GALNT9: variants seen among roughly 807,000 people sequenced by gnomAD.
The protein encoded by GALNT9 is polypeptide N-acetylgalactosaminyltransferase 9, also known as GalNAc transferase 9.
A neutral mutation model predicts 63.1 loss-of-function variants in GALNT9; 47 were observed. The observed-to-expected ratio is 0.75, with a 90% CI of 0.59 to 0.95. The LOEUF (loss-of-function observed/expected upper bound fraction) is 0.95. Ranked by LOEUF, GALNT9 falls within the 40% of genes least tolerant of loss-of-function variation. The probability of loss-of-function intolerance (pLI) is 0.00; values close to 1 mark genes in which losing one functional copy is unlikely to be tolerated. For missense variants in GALNT9, 829 were observed against 874.8 expected (o/e 0.95, Z 0.66); for synonymous variants, 396 against 365.7 (o/e 1.08, Z -0.94).
Position 132,252,143 on chromosome 12 carries a change from C to A in GALNT9, c.960-4116G>T, listed in dbSNP as rs1878938839. 6.6e-6 allele frequency among the ~76,000 whole-genome samples: 1 copy of A among 152,218 alleles called. No homozygotes were observed. The highest frequency in any genetic ancestry group is 2.4e-5 in the African/African-American group (1 of 41,460). On this transcript the variant is annotated intron_variant, in intron 5 of 10. Transcript: ENST00000328957. The surrounding 1 kb of genome is among the most constrained non-coding windows in gnomAD (Gnocchi z 5.2). Reference sequence around the variant, plus strand: ...GTGGAGGCCAACAGGGCAGCCACCTCCACAGGCCCAGGCAGTGAGGCCACA... The same window carrying A: ...GTGGAGGCCAACAGGGCAGCCACCTACACAGGCCCAGGCAGTGAGGCCACA...
In GALNT9 at chr12:132,290,022, A is replaced by T. The variant is rs574121813; in HGVS notation, c.239-3592T>A. Among the ~76,000 whole-genome samples, 6 of 152,304 alleles carry T rather than the reference A, an allele frequency of 3.9e-5. No individual in the cohort carries two copies. In the South Asian group the frequency reaches 1.2e-3, roughly 32 times the overall value. On this transcript the variant is annotated intron_variant, in intron 1 of 10. Transcript: ENST00000328957. ...GTGGAGTCAGTGCTGTCACCGTCCC[A>T]TAGCTGCTGAGAGAAGCTGCTCGGG...
In GALNT9 at chr12:132,261,070, G is replaced by C. The variant is rs1044927284; in HGVS notation, c.639C>G (p.Leu213=). Residue 213 remains leucine (L), a synonymous_variant, in exon 4 of 11, where the codon CTC becomes CTG. Transcript: ENST00000328957. ...GCCGGCTGTTGCGGACAATCTTCAC[G>C]AGGCCTGGGTACCGCTTGTTGACGT... The part of the protein sequence containing the change: ...DQYVNKRYPG[L]VKIVRNSRRE... 23 of 1,551,568 alleles carry C rather than the reference G, an allele frequency of 1.5e-5. No individual in the cohort carries two copies. The highest frequency in any genetic ancestry group is 2.0e-5 in the Non-Finnish European group (23 of 1,146,982).
chr12:132,215,091 T>G lies in GALNT9; in HGVS notation c.1078-11401A>C, dbSNP rs11247006. On this transcript the variant is annotated intron_variant, in intron 6 of 10. Transcript: ENST00000328957. ...GCTGTCCTGCCCGTTTAAGGGCGTT[T>G]GGGAGGAAACGCGACACAATCGCTG... Among the ~76,000 whole-genome samples, 668 of 152,326 alleles carry G rather than the reference T, an allele frequency of 4.4e-3. 18 individuals carry two copies. In the East Asian group the frequency reaches 0.065, roughly 15 times the overall value.
intron 6 of GALNT9, among the ~76,000 whole-genome samples, chr12:132,218,062 A>G (rs1279751680): frequency 6.6e-6 from 1 of 150,440 alleles, no homozygotes; most frequent in Non-Finnish European, 1.5e-5. Flanking sequence ...CCACTCATCT[A>G]CCCATCCATC....
At chr12:132,302,514 A>T (rs1297529360) in intron 1 of GALNT9, among the ~76,000 whole-genome samples, 1 of 152,184 alleles carries the variant, frequency 6.6e-6, no homozygotes, top group East Asian at 1.9e-4. Flanking sequence ...TTATTCACCC[A>T]TCCATTATCA....
At chr12:132,318,646 C>A (rs781980412) in intron 1 of GALNT9, among the ~76,000 whole-genome samples, 13 of 152,254 alleles carry the variant, frequency 8.5e-5, no homozygotes, top group Non-Finnish European at 1.6e-4. Flanking sequence ...GGATGTGCAC[C>A]CCGACTGACC....
At chr12:132,210,434 A>C (rs114984782) in intron 6 of GALNT9, among the ~76,000 whole-genome samples, 4,920 of 152,266 alleles carry the variant, frequency 0.032, 252 homozygotes, top group African/African-American at 0.11. Flanking sequence ...TGAAACTGTC[A>C]TCTAGAGGGG....
At chr12:132,232,003 G>T (rs1342353733) in intron 6 of GALNT9, among the ~76,000 whole-genome samples, 3 of 6,706 alleles carry the variant, frequency 4.5e-4, no homozygotes, top group Non-Finnish European at 7.6e-4. Flanking sequence ...GGCGACAGAG[G>T]AGACAGTGTG....
chr12:132,223,177 C>T (rs1194832379), intron 6 of GALNT9, among the ~76,000 whole-genome samples: 1 of 120,108 alleles, frequency 8.3e-6, no homozygotes, highest in Non-Finnish European at 1.8e-5. Flanking sequence ...CAACCCACAC[C>T]GCACACAACC....
intron 4 of GALNT9, among the ~76,000 whole-genome samples, chr12:132,260,663 G>C (rs1487416922): frequency 6.6e-6 from 1 of 152,254 alleles, no homozygotes; most frequent in African/African-American, 2.4e-5. Context: ...CACAGACCAA[G>C]CCTCATACAC....
chr12:132,198,085 A>G, intron 9 of GALNT9, 126 bp from the exon 10 acceptor site: 1 of 745,128 alleles, frequency 1.3e-6, no homozygotes, highest in Admixed American at 2.8e-5. Context: ...GGAGCCTCCC[A>G]CCCCGGGGAC....
In GALNT9 at chr12:132,310,722, C is replaced by T. The variant is rs1881781394; in HGVS notation, c.238+18244G>A. Among the ~76,000 whole-genome samples, 1 of 152,142 alleles carries T rather than the reference C, an allele frequency of 6.6e-6. No individual in the cohort carries two copies. Among genetic ancestry groups the T allele is most frequent in the African/African-American group, 2.4e-5 (1 of 41,398 alleles). On this transcript the variant is annotated intron_variant, in intron 1 of 10. Coordinates refer to ENST00000328957, the MANE Select transcript of GALNT9 (RefSeq NM_001122636.2). The surrounding 1 kb of genome is among the most constrained non-coding windows in gnomAD (Gnocchi z 4.8). Reference sequence around the variant, plus strand: ...GGAAACAGCACAAATTGAGAGGCGGCCGGGCACAAGATAATCGGGGAGGAA... The same window carrying T: ...GGAAACAGCACAAATTGAGAGGCGGTCGGGCACAAGATAATCGGGGAGGAA...
rs1409701257 is a variant in GALNT9 at position 132,319,225 on chromosome 12, G to T, written c.238+9741C>A. 6.6e-6 allele frequency among the ~76,000 whole-genome samples: 1 copy of T among 152,176 alleles called. No homozygotes were observed. Among genetic ancestry groups the T allele is most frequent in the African/African-American group, 2.4e-5 (1 of 41,436 alleles). The stretch of plus-strand genomic sequence containing the variant: ...TTCCAGGTGCGTCTGTGCGAGATTT[G>T]AGTCTGAATCAGGGGGCTGAGGAAG... On this transcript the variant is annotated intron_variant, in intron 1 of 10. Transcript: ENST00000328957. This position sits in a 1 kb window ranked among gnomAD's most constrained non-coding sequence, Gnocchi z 5.2.
At position 132,259,435 on chromosome 12, in the gene GALNT9, G is replaced by A. The variant is rs782095761; in HGVS notation, c.761+1513C>T. On this transcript the variant is annotated intron_variant, in intron 4 of 10. Transcript: ENST00000328957. ...GTGGAACACAATTCATGCACAACAC[G>A]TCAGAAGCTGATAAACATCGAGGGA... Among the ~76,000 whole-genome samples, 10 of 152,206 alleles carry A rather than the reference G, an allele frequency of 6.6e-5. No homozygotes were observed. In the South Asian group the frequency reaches 1.2e-3, roughly 19 times the overall value.
At chr12:132,322,728 C>A (rs1868858971) in intron 1 of GALNT9, among the ~76,000 whole-genome samples, 1 of 152,332 alleles carries the variant, frequency 6.6e-6, no homozygotes, top group East Asian at 1.9e-4. Context: ...CCTGGGAGGG[C>A]CTGGTGAGCC....
Position 132,303,224 on chromosome 12 carries a change from G to A in GALNT9, c.239-16794C>T, listed in dbSNP as rs117533127. Among the ~76,000 whole-genome samples the A allele has an allele frequency of 3.4e-4, 51 of 152,060 alleles. No individual in the cohort carries two copies. In the East Asian group the frequency reaches 8.1e-3, roughly 24 times the overall value. The stretch of plus-strand genomic sequence containing the variant: ...AGTGACTGCCCAAGGCTGGGCAGGC[G>A]CCCTGAGTGGATTCGTCACCAGGAG... On this transcript the variant is annotated intron_variant, in intron 1 of 10. Coordinates refer to ENST00000328957, the MANE Select transcript of GALNT9 (RefSeq NM_001122636.2).
In GALNT9 at chr12:132,246,007, C is replaced by T. The variant is rs553496528; in HGVS notation, c.1077+1903G>A. Reference sequence around the variant, plus strand: ...CCCCAGGCTGTCCTCCTCGTCTCTGCGGTGCGTTCCATCCCTCTGAGGGCC... The same window carrying T: ...CCCCAGGCTGTCCTCCTCGTCTCTGTGGTGCGTTCCATCCCTCTGAGGGCC... On this transcript the variant is annotated intron_variant, in intron 6 of 10. Transcript: ENST00000328957. The surrounding 1 kb of genome is among the most constrained non-coding windows in gnomAD (Gnocchi z 4.7). 8.5e-5 allele frequency among the ~76,000 whole-genome samples: 13 copies of T among 152,366 alleles called. No individual in the cohort carries two copies. In the South Asian group the frequency reaches 1.7e-3, roughly 19 times the overall value.
chr12:132,222,010 G>C (rs1370466849), intron 6 of GALNT9, among the ~76,000 whole-genome samples: 1 of 152,182 alleles, frequency 6.6e-6, no homozygotes, highest in East Asian at 1.9e-4. Context: ...GCTTAGAGTA[G>C]AAAGCTCAAG....
chr12:132,326,496 G>A (rs1425736459), intron 1 of GALNT9, among the ~76,000 whole-genome samples: 1 of 152,168 alleles, frequency 6.6e-6, no homozygotes, highest in Admixed American at 6.5e-5. Context: ...AAGGCCACTG[G>A]ACCAGCGGAG....
Sources: gnomAD v4.1 joint callset for allele counts (sites outside exome capture counted in the v4.1 genomes callset) on GRCh38, gnomAD v4.1.1 for gene constraint, Gnocchi (gnomAD v3.1) non-coding constraint, MANE v1.5 for transcripts, NCBI Gene and HGNC (gene_info 2026-07-23, HGNC 2026-07-21) for gene names.